Variants in PDE4DIP observed in about 807,000 individuals in gnomAD.
The protein encoded by PDE4DIP is phosphodiesterase 4D interacting protein, also known as myomegalin.
A neutral mutation model predicts 221.4 loss-of-function variants in PDE4DIP; 59 were observed. The ratio of observed to expected loss-of-function variants is 0.27; its 90% CI spans 0.22 to 0.33. PDE4DIP has a LOEUF of 0.33. Ranked by LOEUF, PDE4DIP falls within the 10% of genes least tolerant of loss-of-function variation. The probability of loss-of-function intolerance (pLI) is 1.00; values close to 1 mark genes in which losing one functional copy is unlikely to be tolerated. For synonymous variants in PDE4DIP, 404 were observed against 815.9 expected, an observed-to-expected ratio of 0.50 and a Z score of 8.60; for missense variants, 1,036 against 2,154.2, an observed-to-expected ratio of 0.48 and a Z score of 10.28.
At chr1:148,958,264 T>TACTAAC (rs1553504565) in intron 5 of PDE4DIP, among the ~76,000 whole-genome samples, 1 of 149,960 alleles carries the variant, frequency 6.7e-6, no homozygotes, top group East Asian at 2.0e-4. Flanking sequence ...CCCCTCCCTT[T>TACTAAC]ACTAACCACC....
At chr1:149,001,599 T>G (rs781799990) in exon 24 of PDE4DIP, 1 of 1,596,398 alleles carries the variant, frequency 6.3e-7, no homozygotes, top group African/African-American at 1.3e-5. Flanking sequence ...AGGAACACCA[T>G]GCTGAGCCTT....
intron 5 of PDE4DIP, chr1:148,951,958 C>T (rs2053432800): frequency 1.1e-6 from 1 of 895,434 alleles, no homozygotes; most frequent in Admixed American, 6.1e-5. Flanking sequence ...GGGGCGGGGC[C>T]GGGAAAGGTG....
intron 14 of PDE4DIP, among the ~76,000 whole-genome samples, chr1:148,971,440 A>AT (rs1232558961): frequency 6.9e-6 from 1 of 144,498 alleles, no homozygotes; most frequent in African/African-American, 2.5e-5. Context: ...TTTAAAAAAA[A>AT]TTTTTTCCCA....
At chr1:148,942,135 G>A (rs587712530) in intron 5 of PDE4DIP, 2 of 152,200 alleles carry the variant, frequency 1.3e-5, no homozygotes, top group African/African-American at 4.8e-5. Flanking sequence ...AGTGAAGAAC[G>A]CTAATTTACT....
intron 14 of PDE4DIP, among the ~76,000 whole-genome samples, chr1:148,970,986 T>TA (rs1478773380): frequency 6.6e-6 from 1 of 151,740 alleles, no homozygotes; most frequent in Non-Finnish European, 1.5e-5. Context: ...CAGTTGGTGT[T>TA]ATGATTCATC....
Position 149,025,289 on chromosome 1 carries a change from G to C in PDE4DIP, c.6325+605G>C, listed in dbSNP as rs61805028. 7.8e-3 allele frequency among the ~76,000 whole-genome samples: 1,180 copies of C among 151,974 alleles called. 24 individuals are homozygous for C. Among genetic ancestry groups the C allele is most frequent in the African/African-American group, 0.027 (1,122 of 41,334 alleles). On this transcript the variant is annotated intron_variant, in intron 38 of 43. Coordinates refer to ENST00000369354, the Ensembl canonical transcript of PDE4DIP. ...TGTTCCTTCCAGCTCATTGTGCCCTGTCTCAGTATTGCCGACCTTCCCAGA... is the reference window on the plus strand; with the variant it reads ...TGTTCCTTCCAGCTCATTGTGCCCTCTCTCAGTATTGCCGACCTTCCCAGA...
chr1:148,982,409 T>C (rs1447103785), intron 21 of PDE4DIP: 4 of 152,230 alleles, frequency 2.6e-5, no homozygotes, highest in Admixed American at 2.6e-4. Flanking sequence ...TATACATTTC[T>C]CCATATAACA....
At chr1:148,981,170 G>T (rs1200885056) in intron 20 of PDE4DIP, 100 bp from the exon 24 acceptor site, 2 of 1,042,932 alleles carry the variant, frequency 1.9e-6, no homozygotes, top group Non-Finnish European at 2.9e-6. Context: ...TTACAAAGTC[G>T]TGTGGCTCAA....
chr1:148,951,537 G>A (rs2053240984), intron 5 of PDE4DIP, among the ~76,000 whole-genome samples: 2 of 152,384 alleles, frequency 1.3e-5, no homozygotes, highest in East Asian at 1.9e-4. Context: ...AGCTCTTACG[G>A]AAAGAAGCAC....
In PDE4DIP at chr1:148,952,058, T is replaced by A. The variant is rs2053490936; in HGVS notation, c.637-8596T>A. 3 of 1,011,992 alleles carry A rather than the reference T, an allele frequency of 3.0e-6. No individual in the cohort carries two copies. In the East Asian group the frequency reaches 2.1e-4, roughly 70 times the overall value. The allele number at this position is 1,011,992 out of a possible 1,614,324, so 62.7% of individuals were successfully genotyped here. A position where few individuals can be genotyped will look rare whatever the true frequency, so the allele number is the denominator to read the frequency against. On this transcript the variant is annotated intron_variant, in intron 5 of 43. Transcript: ENST00000369354. ...CGGAGGACGTGGCACTGTCCGAGAATGCAGGGAGGGGATTCGTCTTTCTCC... is the reference window on the plus strand; with the variant it reads ...CGGAGGACGTGGCACTGTCCGAGAAAGCAGGGAGGGGATTCGTCTTTCTCC...
intron 1 of PDE4DIP, among the ~76,000 whole-genome samples, chr1:148,923,888 T>G (rs1381645860): frequency 6.7e-6 from 1 of 148,188 alleles, no homozygotes; most frequent in Admixed American, 6.7e-5. Context: ...GAAATTAGGT[T>G]GTAAAAGTTG....
chr1:148,948,397 G>A (rs1340052541), intron 5 of PDE4DIP, among the ~76,000 whole-genome samples: 8 of 151,384 alleles, frequency 5.3e-5, no homozygotes, highest in South Asian at 4.2e-4. Context: ...AGTGGAACCC[G>A]GGAGGCAGAG....
At chr1:148,976,427 A>G (rs1699780) in intron 17 of PDE4DIP, among the ~76,000 whole-genome samples, 2 of 152,192 alleles carry the variant, frequency 1.3e-5, no homozygotes, top group African/African-American at 4.8e-5. Flanking sequence ...CTCAGACTCA[A>G]ATCACCTTGT....
At chr1:149,017,635 G>C (rs1463667170) in intron 33 of PDE4DIP, 113 bp from the exon 37 acceptor site, 2 of 636,736 alleles carry the variant, frequency 3.1e-6, no homozygotes, top group Non-Finnish European at 5.6e-6. Flanking sequence ...TTGGCAGAAG[G>C]CTAGTGATAT....
chr1:148,967,582 A>G (rs17162248), intron 12 of PDE4DIP, 144 bp from the exon 16 acceptor site: 65,150 of 601,100 alleles, frequency 0.11, 569 homozygotes, highest in Middle Eastern at 0.17. Context: ...ATAGATTAGT[A>G]TGGCATTGTT....
chr1:149,022,077 A>G (rs1164753563), intron 37 of PDE4DIP, among the ~76,000 whole-genome samples: 20 of 150,640 alleles, frequency 1.3e-4, no homozygotes, highest in African/African-American at 3.2e-4. Context: ...TAGGACAGGC[A>G]GCCATTCATG....
chr1:149,032,216 A>G (rs200393198), exon 44 of PDE4DIP: 1 of 725,192 alleles, frequency 1.4e-6, no homozygotes, highest in Non-Finnish European at 2.3e-6. Context: ...CGATTAGCCA[A>G]GGTCCACTTG....
At chr1:148,961,161 A>C (rs1553509437) in intron 6 of PDE4DIP, among the ~76,000 whole-genome samples, 1 of 152,290 alleles carries the variant, frequency 6.6e-6, no homozygotes, top group Non-Finnish European at 1.5e-5. Flanking sequence ...AAAAAAAATT[A>C]GCCAGGCGTT....
chr1:149,007,311 C>G (rs781872767), exon 28 of PDE4DIP: 1 of 1,587,696 alleles, frequency 6.3e-7, no homozygotes, highest in South Asian at 1.1e-5. Flanking sequence ...GCAAAAGATA[C>G]AGTAAAATCT....
Sources: allele counts gnomAD v4.1 joint callset (sites outside exome capture counted in the v4.1 genomes callset), GRCh38; gene constraint gnomAD v4.1.1; transcripts MANE v1.5; gene names NCBI Gene and HGNC (gene_info 2026-07-23, HGNC 2026-07-21).